Variants in NEK7 observed in about 807,000 individuals in gnomAD.
NEK7 encodes the protein NIMA related kinase 7.
NEK7 carries 18 observed loss-of-function variants against 44.6 expected under a neutral mutation model. The observed-to-expected ratio is 0.40, with a 90% CI of 0.28 to 0.60. NEK7 has a LOEUF of 0.60. NEK7 is among the 20% of genes least tolerant of loss of function. The probability of loss-of-function intolerance (pLI) is 0.38; values close to 1 mark genes in which losing one functional copy is unlikely to be tolerated. For missense variants in NEK7, 256 were observed against 366.5 expected (o/e 0.70, Z 2.46); for synonymous variants, 130 against 121.1 (o/e 1.07, Z -0.48).
chr1:198,307,809 C>A (rs1023556430), intron 9 of NEK7, among the ~76,000 whole-genome samples: 1 of 152,060 alleles, frequency 6.6e-6, no homozygotes, highest in African/African-American at 2.4e-5. Flanking sequence ...AGTGGCATCC[C>A]TTTATAATGG....
In NEK7 at chr1:198,278,991, G is replaced by A; in HGVS notation, c.519G>A (p.Gly173=). ...KPANVFITAT[G]VVKLGDLGLG... ...CTAATGTGTTCATTACAGCCACTGG[G>A]GTGGTAAAACTTGGAGATCTTGGGC... Residue 173 remains glycine (G), a synonymous_variant, in exon 7 of 10, where the codon GGG becomes GGA. Coordinates refer to ENST00000367385, the MANE Select transcript of NEK7 (RefSeq NM_133494.3). The A allele has an allele frequency of 6.2e-7, 1 of 1,610,344 alleles. No individual in the cohort carries two copies. The highest frequency in any genetic ancestry group is 8.5e-7 in the Non-Finnish European group (1 of 1,177,390).
At chr1:198,249,550 CTGT>C (rs1652839532) in intron 2 of NEK7, among the ~76,000 whole-genome samples, 1 of 152,170 alleles carries the variant, frequency 6.6e-6, no homozygotes, top group Non-Finnish European at 1.5e-5. Context: ...TCTCCAGCAT[CTGT>C]TGTTTCCTTT....
At chr1:198,181,577 T>G (rs912236382) in intron 1 of NEK7, among the ~76,000 whole-genome samples, 12 of 152,168 alleles carry the variant, frequency 7.9e-5, no homozygotes, top group African/African-American at 2.9e-4. Flanking sequence ...TAAAGTGGGT[T>G]AAGACTTTTA....
At chr1:198,233,939 A>G (rs1225644073) in intron 2 of NEK7, among the ~76,000 whole-genome samples, 1 of 152,046 alleles carries the variant, frequency 6.6e-6, no homozygotes, top group Non-Finnish European at 1.5e-5. Flanking sequence ...CGTCTCTACC[A>G]TAAAGCTTTG....
At chr1:198,242,573 T>G (rs1409436293) in intron 2 of NEK7, among the ~76,000 whole-genome samples, 11 of 150,724 alleles carry the variant, frequency 7.3e-5, no homozygotes, top group Non-Finnish European at 1.2e-4. Flanking sequence ...GCCATTCTCC[T>G]GCCTCAGCCT....
At chr1:198,280,067 G>GT (rs553098161) in intron 7 of NEK7, among the ~76,000 whole-genome samples, 13 of 152,046 alleles carry the variant, frequency 8.6e-5, no homozygotes, top group South Asian at 6.2e-4. Flanking sequence ...GAATAACATA[G>GT]TTTTTTTCTC....
intron 2 of NEK7, among the ~76,000 whole-genome samples, chr1:198,239,549 A>G (rs1666628673): frequency 6.6e-6 from 1 of 152,198 alleles, no homozygotes; most frequent in Non-Finnish European, 1.5e-5. Context: ...TTTGGAAGAC[A>G]ATAATGAGAT....
Position 198,175,614 on chromosome 1 carries a change from G to A in NEK7, c.-29+18338G>A, listed in dbSNP as rs188044087. ...ATTACAGCTGAATGATTAGCTTAGT[G>A]AGCATGTGCTTTTGCCAGACTTTAG... On this transcript the variant is annotated intron_variant, in intron 1 of 9. Transcript: ENST00000367385. Among the ~76,000 whole-genome samples, 8 of 152,314 alleles carry A rather than the reference G, an allele frequency of 5.3e-5. No homozygotes were observed. In the East Asian group the frequency reaches 1.3e-3, roughly 26 times the overall value.
At chr1:198,236,712 G>A (rs1315887323) in intron 2 of NEK7, among the ~76,000 whole-genome samples, 3 of 152,044 alleles carry the variant, frequency 2.0e-5, no homozygotes, top group Non-Finnish European at 4.4e-5. Flanking sequence ...GTTACCAGAT[G>A]AACTATCCAC....
intron 4 of NEK7, among the ~76,000 whole-genome samples, chr1:198,263,064 A>G (rs1428488744): frequency 6.6e-6 from 1 of 151,926 alleles, no homozygotes; most frequent in African/African-American, 2.4e-5. Flanking sequence ...CCAGACTTAG[A>G]CAGAGTGCAT....
intron 9 of NEK7, among the ~76,000 whole-genome samples, chr1:198,318,550 A>G (rs969726161): frequency 1.3e-5 from 2 of 152,202 alleles, no homozygotes; most frequent in South Asian, 4.1e-4. Context: ...CAAATTCTCA[A>G]AATGTCTAAA....
chr1:198,226,709 T>C (rs1182436556), intron 1 of NEK7, among the ~76,000 whole-genome samples: 1 of 148,322 alleles, frequency 6.7e-6, no homozygotes, highest in Non-Finnish European at 1.5e-5. Context: ...TTGGGGTGCC[T>C]CAGGGCTCAG....
At chr1:198,215,764 A>G (rs1407592583) in intron 1 of NEK7, among the ~76,000 whole-genome samples, 1 of 151,930 alleles carries the variant, frequency 6.6e-6, no homozygotes, top group South Asian at 2.1e-4. Flanking sequence ...AGTTATTCTT[A>G]TATCAGATAA....
chr1:198,200,523 T>A (rs183283264), intron 1 of NEK7, among the ~76,000 whole-genome samples: 1 of 152,106 alleles, frequency 6.6e-6, no homozygotes, highest in Admixed American at 6.5e-5. Flanking sequence ...CACAGACCTC[T>A]GCTCTTTGTT....
Position 198,264,107 on chromosome 1 carries a change from C to T in NEK7, c.262-18C>T. ...TTTACAGTAAGAAAACTTTCTGATG[C>T]CTGTTTTATTTTCTCAGCAACTCAA... On this transcript the variant is annotated intron_variant, in intron 4 of 9. Transcript: ENST00000367385. 1 of 1,569,526 alleles carries T rather than the reference C, an allele frequency of 6.4e-7. No individual in the cohort carries two copies. The highest frequency in any genetic ancestry group is 8.6e-7 in the Non-Finnish European group (1 of 1,161,870).
At chr1:198,263,939 A>T (rs1653564820) in intron 4 of NEK7, among the ~76,000 whole-genome samples, 186 bp from the exon 5 acceptor site, 1 of 152,018 alleles carries the variant, frequency 6.6e-6, no homozygotes, top group African/African-American at 2.4e-5. Context: ...AAATTAATTT[A>T]TACCTAGTTT....
chr1:198,311,399 T>G (rs1655177494), intron 9 of NEK7, among the ~76,000 whole-genome samples: 1 of 152,068 alleles, frequency 6.6e-6, no homozygotes, highest in Admixed American at 6.5e-5. Flanking sequence ...ACAATTTGAC[T>G]TCCTCTTTTC....
At chr1:198,212,731 A>C (rs1430858340) in intron 1 of NEK7, among the ~76,000 whole-genome samples, 1 of 152,170 alleles carries the variant, frequency 6.6e-6, no homozygotes, top group African/African-American at 2.4e-5. Flanking sequence ...TACCACCCCA[A>C]CATAAGGCAA....
intron 2 of NEK7, among the ~76,000 whole-genome samples, chr1:198,233,817 C>CA (rs985505706): frequency 5.0e-5 from 7 of 139,544 alleles, no homozygotes; most frequent in African/African-American, 1.6e-4. Context: ...TAACCGTCTA[C>CA]AAAAAACGAT....
Sources: gnomAD v4.1 joint callset for allele counts (sites outside exome capture counted in the v4.1 genomes callset) on GRCh38, gnomAD v4.1.1 for gene constraint, MANE v1.5 for transcripts, NCBI Gene and HGNC (gene_info 2026-07-23, HGNC 2026-07-21) for gene names.